Variants in MTPAP observed in about 807,000 individuals in gnomAD.
The protein encoded by MTPAP is poly(A) RNA polymerase, mitochondrial.
MTPAP carries 23 observed loss-of-function variants against 48.7 expected under a neutral mutation model. The observed-to-expected ratio is 0.47, with a 90% CI of 0.34 to 0.67. The LOEUF is 0.67. MTPAP is among the 30% of genes least tolerant of loss of function. The pLI is 0.01. For missense variants in MTPAP, 614 were observed against 694.3 expected (o/e 0.88, Z 1.30); for synonymous variants, 257 against 254.1 (o/e 1.01, Z -0.11).
chr10:30,319,491 G>C (rs1840698034), intron 6 of MTPAP, among the ~76,000 whole-genome samples: 1 of 152,088 alleles, frequency 6.6e-6, no homozygotes, highest in African/African-American at 2.4e-5. Flanking sequence ...TAAACACCAA[G>C]TACTCAATAT....
chr10:30,343,723 A>C (rs1834838837), intron 1 of MTPAP, among the ~76,000 whole-genome samples: 1 of 151,984 alleles, frequency 6.6e-6, no homozygotes. Flanking sequence ...GTGCGCCACC[A>C]CGCCCAGCTA....
chr10:30,326,698 T>G, intron 4 of MTPAP, 63 bp from the exon 5 acceptor site: 2 of 1,315,710 alleles, frequency 1.5e-6, no homozygotes, highest in East Asian at 4.6e-5. Context: ...TTTAATAAGC[T>G]TTTGTAAAAG....
Position 30,336,963 on chromosome 10 carries a change from C to T in MTPAP, c.620G>A (p.Arg207Gln), listed in dbSNP as rs1231344959. The T allele has an allele frequency of 1.2e-6, 2 of 1,613,484 alleles. No individual in the cohort carries two copies. Among genetic ancestry groups the T allele is most frequent in the Non-Finnish European group, 1.7e-6 (2 of 1,180,038 alleles). ...TTCAATAAGAGAACAGGTGAGATAT[C>T]GGAGCTTAGTGTTCTCCTCTGTTAG... is the stretch of plus-strand genomic sequence containing the variant. Reference protein sequence around the residue: ...FQLTEENTKLRYLTCSLIEDM... With the variant: ...FQLTEENTKLQYLTCSLIEDM... The change falls in exon 4 of 9, where the codon CGA (arginine) becomes CAA (glutamine). Residue 207 changes from arginine to glutamine, a missense_variant. By Grantham distance (43) the Arg-to-Gln change is conservative. Transcript: ENST00000263063.
At chr10:30,330,854 C>T (rs978505428) in intron 4 of MTPAP, among the ~76,000 whole-genome samples, 2 of 152,206 alleles carry the variant, frequency 1.3e-5, no homozygotes, top group Non-Finnish European at 2.9e-5. Context: ...GTGATGGTAG[C>T]GCAGGTGGAG....
intron 3 of MTPAP, chr10:30,340,009 C>A (rs1564523568): frequency 1.7e-6 from 1 of 572,260 alleles, no homozygotes; most frequent in East Asian, 3.0e-5. Flanking sequence ...ATGTGTTGAG[C>A]ATGACGACAT....
At position 30,337,025 on chromosome 10, in the gene MTPAP, TA is replaced by T; in HGVS notation, c.557del (p.Ile186LysfsTer5). 6.2e-7 allele frequency: 1 copy of T among 1,611,854 alleles called. No homozygotes were observed. Among genetic ancestry groups the T allele is most frequent in the Non-Finnish European group, 8.5e-7 (1 of 1,178,874 alleles). Reference sequence around the variant, plus strand: ...TCAAGAGAGTGTTCAGCTGATCGTCTATCTAGCTAGCCGAAACAAAACCAAC... The same window carrying T: ...TCAAGAGAGTGTTCAGCTGATCGTCTTCTAGCTAGCCGAAACAAAACCAAC... ...LFELLCYAES[I>X]DDQLNTLLKE... On this transcript the variant is annotated frameshift_variant and splice_region_variant, in exon 4 of 9. Coordinates refer to ENST00000263063, the MANE Select transcript of MTPAP (RefSeq NM_018109.4). LOFTEE classifies it high-confidence loss of function.
In MTPAP at chr10:30,336,902, G is replaced by C. The variant is rs1174250977; in HGVS notation, c.681C>G (p.Val227=). The change falls in exon 4 of 9, where the codon GTC becomes GTG. Residue 227 remains valine, a synonymous_variant. Coordinates refer to ENST00000263063, the MANE Select transcript of MTPAP (RefSeq NM_018109.4). ...TGTTGACTGAGGAGCCAAAGGGTCT[G>C]ACTATGCAGTCTGGAAAATACGCGG... ...MAAAYFPDCI[V]RPFGSSVNTF... 6.2e-7 allele frequency: 1 copy of C among 1,613,208 alleles called. No homozygotes were observed.
At chr10:30,338,550 C>G (rs1029301969) in intron 3 of MTPAP, among the ~76,000 whole-genome samples, 4 of 152,036 alleles carry the variant, frequency 2.6e-5, no homozygotes, top group African/African-American at 9.7e-5. Flanking sequence ...TGGCGCGTGC[C>G]TGTAATCCCT....
At position 30,347,644 on chromosome 10, in the gene MTPAP, C is replaced by A. The variant is rs192964663; in HGVS notation, c.157+1475G>T. On this transcript the variant is annotated intron_variant, in intron 1 of 8. Coordinates refer to ENST00000263063, the MANE Select transcript of MTPAP (RefSeq NM_018109.4). Reference sequence around the variant, plus strand: ...CGGTGGCTCACGCCTGTAATCCCAGCACTTTGGGAGGCCAAGGCAGGCAGA... The same window carrying A: ...CGGTGGCTCACGCCTGTAATCCCAGAACTTTGGGAGGCCAAGGCAGGCAGA... Among the ~76,000 whole-genome samples the A allele has an allele frequency of 3.7e-3, 567 of 152,348 alleles. 4 individuals are homozygous for A. Among genetic ancestry groups the A allele is most frequent in the Middle Eastern group, 0.014 (4 of 294 alleles).
At chr10:30,336,724 T>C (rs1193864185) in intron 4 of MTPAP, 79 bp downstream of exon 4, 2 of 1,130,736 alleles carry the variant, frequency 1.8e-6, no homozygotes, top group Non-Finnish European at 2.7e-6. Flanking sequence ...AACAGTTCTA[T>C]TTTATTAAGT....
At chr10:30,338,909 G>C (rs1040861593) in intron 3 of MTPAP, among the ~76,000 whole-genome samples, 1 of 151,698 alleles carries the variant, frequency 6.6e-6, no homozygotes, top group Non-Finnish European at 1.5e-5. Flanking sequence ...GGATCACAAG[G>C]TCAGGAGATC....
rs199777853 is a variant in MTPAP at position 30,340,291 on chromosome 10, G to A, written c.490C>T (p.Arg164Trp). ...KNQTSERSRV[R>W]SSNQLPRSNK... ...GAACGTGGCAACTGATTACTTGACC[G>A]TACGCGTGACCGTTCAGAAGTCTGG... Residue 164 changes from arginine to tryptophan, a missense_variant, in exon 3 of 9, where the codon CGG becomes TGG. Transcript: ENST00000263063. 48 of 1,614,104 alleles carry A rather than the reference G, an allele frequency of 3.0e-5. No homozygotes were observed. The highest frequency in any genetic ancestry group is 1.5e-4 in the African/African-American group (11 of 75,016).
At position 30,349,114 on chromosome 10, in the gene MTPAP, A is replaced by G. The variant is rs770321087; in HGVS notation, c.157+5T>C. ...CGGAACTACAGGGCAAACCGGCGCC[A>G]TCACCTGTCTCCACGCTCCCTGAAG... On this transcript the variant is annotated splice_donor_5th_base_variant and intron_variant, in intron 1 of 8. Transcript: ENST00000263063. The G allele has an allele frequency of 1.9e-6, 3 of 1,613,458 alleles. No individual in the cohort carries two copies. The highest frequency in any genetic ancestry group is 2.2e-5 in the South Asian group (2 of 91,022).
At chr10:30,317,058 T>A (rs1840672130) in intron 6 of MTPAP, among the ~76,000 whole-genome samples, 1 of 152,202 alleles carries the variant, frequency 6.6e-6, no homozygotes, top group African/African-American at 2.4e-5. Context: ...ATGGCATAAC[T>A]AATCTCAAAT....
At chr10:30,343,884 T>G (rs1469287343) in intron 1 of MTPAP, among the ~76,000 whole-genome samples, 1 of 152,214 alleles carries the variant, frequency 6.6e-6, no homozygotes, top group African/African-American at 2.4e-5. Context: ...ATACAGCTTT[T>G]AACTATGTGC....
At chr10:30,334,202 C>G (rs1834703419) in intron 4 of MTPAP, among the ~76,000 whole-genome samples, 1 of 152,028 alleles carries the variant, frequency 6.6e-6, no homozygotes, top group South Asian at 2.1e-4. Context: ...AGAAAAAAAT[C>G]AAGAGCGGTT....
At chr10:30,322,192 G>A (rs965993735) in intron 6 of MTPAP, among the ~76,000 whole-genome samples, 199 bp downstream of exon 6, 2 of 152,066 alleles carry the variant, frequency 1.3e-5, no homozygotes, top group East Asian at 1.9e-4. Flanking sequence ...CTGATACAAA[G>A]AAAACAGAAC....
chr10:30,340,372 C>T lies in MTPAP; in HGVS notation c.409G>A (p.Ala137Thr). 6.2e-7 allele frequency: 1 copy of T among 1,614,142 alleles called. No homozygotes were observed. The highest frequency in any genetic ancestry group is 1.6e-4 in the Middle Eastern group (1 of 6,062). ...LQNGTHTPSTAMETAIPFRSR... is the reference protein window; with the variant it reads ...LQNGTHTPSTTMETAIPFRSR... ...CTGAATGGAATTGCAGTCTCCATGG[C>T]CGTGCTTGGAGTATGAGTCCCATTC... Residue 137 changes from alanine to threonine, a missense_variant, in exon 3 of 9, where the codon GCC becomes ACC. Ala to Thr is a moderately conservative substitution (Grantham distance 58, BLOSUM62 0). This residue lies in a region of MTPAP where 114 missense variants were observed against 107.9 expected (regional missense o/e 1.06). Transcript: ENST00000263063.
At chr10:30,346,634 T>G (rs1455863883) in intron 1 of MTPAP, among the ~76,000 whole-genome samples, 1 of 152,156 alleles carries the variant, frequency 6.6e-6, no homozygotes, top group African/African-American at 2.4e-5. Flanking sequence ...ATAAGCTGGG[T>G]AGCCTCCTGC....
Sources: gnomAD v4.1 joint callset for allele counts (sites outside exome capture counted in the v4.1 genomes callset) on GRCh38, gnomAD v4.1.1 for gene constraint, gnomAD v4.1.1 regional missense constraint, MANE v1.5 for transcripts, NCBI Gene and HGNC (gene_info 2026-07-23, HGNC 2026-07-21) for gene names.